PCDHGA3: variants seen among roughly 807,000 people sequenced by gnomAD.
PCDHGA3 encodes protocadherin gamma-A3.
PCDHGA3 carries 40 observed loss-of-function variants against 58.5 expected under a neutral mutation model. The observed-to-expected ratio is 0.68, with a 90% confidence interval of 0.53 to 0.89. PCDHGA3 has a LOEUF of 0.89. PCDHGA3 is among the 40% of genes least tolerant of loss of function. The pLI, the probability that PCDHGA3 is intolerant of heterozygous loss-of-function variation, is 0.00. For synonymous variants in PCDHGA3, 530 were observed against 525.7 expected (o/e 1.01, Z -0.11); for missense variants, 1,223 against 1,195.9 (o/e 1.02, Z -0.33).
chr5:141,409,831 C>T (rs1015263434), intron 1 of PCDHGA3: 2 of 1,611,128 alleles, frequency 1.2e-6, no homozygotes, highest in Non-Finnish European at 1.7e-6. Flanking sequence ...CCACGCTCAG[C>T]GCCAACGTGA....
chr5:141,421,420 G>C, intron 1 of PCDHGA3: 1 of 1,614,084 alleles, frequency 6.2e-7, no homozygotes, highest in Non-Finnish European at 8.5e-7. Context: ...GAAGCGCGGA[G>C]TCCGCATCGT....
At position 141,420,019 on chromosome 5, in the gene PCDHGA3, C is replaced by T. The variant is rs2096459006; in HGVS notation, c.2424+73562C>T. 13 of 1,614,072 alleles carry T rather than the reference C, an allele frequency of 8.1e-6. No homozygotes were observed. In the East Asian group the frequency reaches 2.7e-4, roughly 33 times the overall value. On this transcript the variant is annotated intron_variant, in intron 1 of 3. Coordinates refer to ENST00000253812, the MANE Select transcript of PCDHGA3 (RefSeq NM_018916.4). ...CTCTACGCCTGCGACAGTCTTTCAGCCCTACTGCAGGAGACTGCTTTGAGT... is the reference window on the plus strand; with the variant it reads ...CTCTACGCCTGCGACAGTCTTTCAGTCCTACTGCAGGAGACTGCTTTGAGT...
chr5:141,438,319 T>C (rs934592523), intron 1 of PCDHGA3, among the ~76,000 whole-genome samples: 1 of 151,982 alleles, frequency 6.6e-6, no homozygotes, highest in African/African-American at 2.4e-5. Flanking sequence ...CACCATAATT[T>C]TTCTTATACA....
Position 141,418,518 on chromosome 5 carries a change from C to G in PCDHGA3, c.2424+72061C>G. Reference sequence around the variant, plus strand: ...CTGACCGCCTTAGATGGTGGGGACCCTCCCCGAAGCGGTACTGCTCAGATA... The same window carrying G: ...CTGACCGCCTTAGATGGTGGGGACCGTCCCCGAAGCGGTACTGCTCAGATA... On this transcript the variant is annotated intron_variant, in intron 1 of 3. Coordinates refer to ENST00000253812, the MANE Select transcript of PCDHGA3 (RefSeq NM_018916.4). The G allele has an allele frequency of 2.5e-6, 4 of 1,613,986 alleles. 1 individual carries two copies.
chr5:141,375,025 TTA>T (rs778119379), intron 1 of PCDHGA3: 2 of 1,614,042 alleles, frequency 1.2e-6, no homozygotes, highest in East Asian at 4.5e-5. Flanking sequence ...ACTCGAGTTT[TTA>T]TGAGCTGGGT....
intron 1 of PCDHGA3, chr5:141,389,352 A>G (rs758141313): frequency 7.4e-6 from 12 of 1,613,628 alleles, no homozygotes; most frequent in Admixed American, 1.7e-5. Flanking sequence ...TTACTGCATC[A>G]TGGCCAGTGA....
intron 1 of PCDHGA3, chr5:141,393,180 A>G: frequency 6.2e-7 from 1 of 1,613,356 alleles, no homozygotes; most frequent in South Asian, 1.1e-5. Context: ...AGAAATAGAA[A>G]TAATTGATAT....
At chr5:141,346,506 G>T (rs768849067) in intron 1 of PCDHGA3, 49 bp downstream of exon 1, 1 of 1,609,240 alleles carries the variant, frequency 6.2e-7, no homozygotes, top group East Asian at 2.2e-5. Flanking sequence ...TGAGAATGTG[G>T]TTATTATAAA....
At position 141,458,567 on chromosome 5, in the gene PCDHGA3, T is replaced by TTTTG. The variant is rs144471304; in HGVS notation, c.2425-36224_2425-36221dup. Among the ~76,000 whole-genome samples the TTTTG allele has an allele frequency of 8.6e-5, 13 of 151,610 alleles. No individual in the cohort carries two copies. The East Asian group carries it at 1.5e-3, about 18-fold the overall frequency. On this transcript the variant is annotated intron_variant, in intron 1 of 3. Coordinates refer to ENST00000253812, the MANE Select transcript of PCDHGA3 (RefSeq NM_018916.4). ...TTGTTTGTTTGTTTTGGTTTTGGGT[T>TTTTG]TTTGTTTGTTTGTTTGTTTTGGAGA...
chr5:141,483,661 T>TGTGTGA (rs1357903548), intron 1 of PCDHGA3, among the ~76,000 whole-genome samples: 7 of 152,042 alleles, frequency 4.6e-5, no homozygotes, highest in African/African-American at 1.7e-4. Context: ...TGTGTGTGTG[T>TGTGTGA]GTGTGTGTAA....
chr5:141,414,965 C>T lies in PCDHGA3; in HGVS notation c.2424+68508C>T, dbSNP rs564450666. On this transcript the variant is annotated intron_variant, in intron 1 of 3. Coordinates refer to ENST00000253812, the MANE Select transcript of PCDHGA3 (RefSeq NM_018916.4). ...GGCTACCTGGTGACCAAGGTGGTGG[C>T]GGTGGACAGAGACTCCGGCCAGAAC... The T allele has an allele frequency of 7.9e-5, 127 of 1,613,962 alleles. No homozygotes were observed. The highest frequency in any genetic ancestry group is 7.7e-5 in the Non-Finnish European group (91 of 1,180,046).
intron 1 of PCDHGA3, chr5:141,357,605 G>A: frequency 1.2e-6 from 2 of 1,614,024 alleles, no homozygotes; most frequent in Non-Finnish European, 1.7e-6. Context: ...GAAACAAAAG[G>A]AGACCCTAAT....
intron 1 of PCDHGA3, chr5:141,384,947 G>A: frequency 6.2e-7 from 1 of 1,614,100 alleles, no homozygotes; most frequent in Non-Finnish European, 8.5e-7. Context: ...CCCTCCGACG[G>A]TCCTTACAAC....
chr5:141,481,427 T>C lies in PCDHGA3; in HGVS notation c.2425-13380T>C, dbSNP rs79272909. Reference sequence around the variant, plus strand: ...TTGTATAATTAGATTGTGATGATGATTGTATCAGTTTAGTACATGTAAATA... The same window carrying C: ...TTGTATAATTAGATTGTGATGATGACTGTATCAGTTTAGTACATGTAAATA... On this transcript the variant is annotated intron_variant, in intron 1 of 3. Transcript: ENST00000253812. Among the ~76,000 whole-genome samples the C allele has an allele frequency of 6.0e-3, 907 of 152,334 alleles. 5 individuals are homozygous for C. Among genetic ancestry groups the C allele is most frequent in the African/African-American group, 0.02 (840 of 41,578 alleles).
rs538468873 is a variant in PCDHGA3 at position 141,364,832 on chromosome 5, C to T, written c.2424+18375C>T. The T allele has an allele frequency of 3.7e-6, 6 of 1,613,894 alleles. No individual in the cohort carries two copies. The highest frequency in any genetic ancestry group is 1.7e-5 in the Admixed American group (1 of 60,010). On this transcript the variant is annotated intron_variant, in intron 1 of 3. Coordinates refer to ENST00000253812, the MANE Select transcript of PCDHGA3 (RefSeq NM_018916.4). ...TGCGGATGTGGGTGTGAACTCTCTCCGGAGTTACCAGCTCAGCTCCAATCT... is the reference window on the plus strand; with the variant it reads ...TGCGGATGTGGGTGTGAACTCTCTCTGGAGTTACCAGCTCAGCTCCAATCT...
intron 3 of PCDHGA3, among the ~76,000 whole-genome samples, chr5:141,508,989 G>A (rs900798347): frequency 1.3e-5 from 2 of 152,110 alleles, no homozygotes; most frequent in Non-Finnish European, 2.9e-5. Flanking sequence ...GGGGCCAGCT[G>A]GGGTAGGAGA....
chr5:141,357,804 G>A (rs1465352721), intron 1 of PCDHGA3: 15 of 778,760 alleles, frequency 1.9e-5, no homozygotes, highest in Admixed American at 3.0e-5. Context: ...CAAAAATGTT[G>A]TTTATTACTT....
rs200411745 is a variant in PCDHGA3, at chr5:141,490,281, C to T, written c.2425-4526C>T. The T allele has an allele frequency of 1.2e-6, 2 of 1,614,070 alleles. No homozygotes were observed. The highest frequency in any genetic ancestry group is 1.3e-5 in the African/African-American group (1 of 74,924). On this transcript the variant is annotated intron_variant, in intron 1 of 3. Transcript: ENST00000253812. This position sits in a 1 kb window ranked among gnomAD's most constrained non-coding sequence, Gnocchi z 5.4. The stretch of plus-strand genomic sequence containing the variant: ...ATGTGGGGGATGTCAATGACAATGC[C>T]CCAGAGGTGCTATTGGCCTCTTTGG...
chr5:141,482,736 C>T (rs897817817), intron 1 of PCDHGA3, among the ~76,000 whole-genome samples: 6 of 152,056 alleles, frequency 3.9e-5, no homozygotes, highest in African/African-American at 1.2e-4. Context: ...GCAAGAAATT[C>T]CATGCAGAGG....
Sources: gnomAD v4.1 joint callset for allele counts (sites outside exome capture counted in the v4.1 genomes callset) on GRCh38, gnomAD v4.1.1 for gene constraint, Gnocchi (gnomAD v3.1) non-coding constraint, MANE v1.5 for transcripts, NCBI Gene and HGNC (gene_info 2026-07-23, HGNC 2026-07-21) for gene names.